The following SLC9C1 variants were observed in gnomAD, a reference collection of about 807,000 sequenced individuals.
SLC9C1 encodes the protein sodium/hydrogen exchanger 10.
A neutral mutation model predicts 140.9 loss-of-function variants in SLC9C1; 97 were observed. That is an observed-to-expected ratio of 0.69 (90% CI 0.58 to 0.82). The LOEUF (loss-of-function observed/expected upper bound fraction) is 0.82, where lower values mean the gene tolerates loss of function less well. Among genes scored for constraint, SLC9C1 ranks in the 40% least tolerant of loss-of-function variants. SLC9C1 has a pLI of 0.00. For missense variants in SLC9C1, 1,340 were observed against 1,389.3 expected (o/e 0.96, Z 0.56); for synonymous variants, 440 against 442.6 (o/e 0.99, Z 0.07).
intron 6 of SLC9C1, among the ~76,000 whole-genome samples, chr3:112,273,564 G>C (rs962780611): frequency 2.0e-5 from 3 of 152,118 alleles, no homozygotes; most frequent in Non-Finnish European, 4.4e-5. Flanking sequence ...TTTGAGGGAG[G>C]GGTGAGGGGG....
intron 15 of SLC9C1, among the ~76,000 whole-genome samples, chr3:112,213,676 A>G (rs1407075407): frequency 6.6e-6 from 1 of 152,234 alleles, no homozygotes; most frequent in Non-Finnish European, 1.5e-5. Flanking sequence ...ATATATATGC[A>G]CCCAATACAG....
intron 20 of SLC9C1, among the ~76,000 whole-genome samples, chr3:112,187,366 C>G (rs1364555851): frequency 1.3e-5 from 2 of 152,110 alleles, no homozygotes; most frequent in African/African-American, 2.4e-5. Context: ...GGAGATACTG[C>G]TTTTCACAGG....
intron 10 of SLC9C1, among the ~76,000 whole-genome samples, chr3:112,259,187 A>T (rs2079698053): frequency 6.6e-6 from 1 of 152,160 alleles, no homozygotes; most frequent in Admixed American, 6.6e-5. Flanking sequence ...TAGTAAACTA[A>T]CGCAGGAACA....
chr3:112,272,787 A>G (rs543047049), intron 6 of SLC9C1, among the ~76,000 whole-genome samples: 20 of 152,172 alleles, frequency 1.3e-4, no homozygotes, highest in Admixed American at 2.6e-4. Context: ...GGCAAGCTCT[A>G]TGGAGGCAAG....
Position 112,168,997 on chromosome 3 carries a change from G to T in SLC9C1, c.3117C>A (p.Thr1039=), listed in dbSNP as rs1285460934. Residue 1039 remains threonine (T), a synonymous_variant, in exon 25 of 29, where the codon ACC becomes ACA. Coordinates refer to ENST00000305815, the MANE Select transcript of SLC9C1 (RefSeq NM_183061.3). The part of the protein sequence containing the change: ...NIYVVDIPMS[T]KTDIYDENLI... ...GATTTTCATCATAAATATCAGTTTT[G>T]GTACTCATTGGTATATCTACTACAT... The T allele has an allele frequency of 6.2e-7, 1 of 1,610,726 alleles. No individual in the cohort carries two copies. Among genetic ancestry groups the T allele is most frequent in the South Asian group, 1.1e-5 (1 of 90,222 alleles).
intron 13 of SLC9C1, among the ~76,000 whole-genome samples, chr3:112,230,355 C>T (rs1235479228): frequency 1.3e-5 from 2 of 152,088 alleles, no homozygotes; most frequent in Admixed American, 6.6e-5. Context: ...CTTGGAGCAT[C>T]AGATTTAGGA....
At chr3:112,264,154 C>A in intron 9 of SLC9C1, 46 bp downstream of exon 9, 1 of 858,072 alleles carries the variant, frequency 1.2e-6, no homozygotes, top group South Asian at 4.5e-5. Flanking sequence ...GACCTTCAAA[C>A]TTACTCAATT....
intron 12 of SLC9C1, among the ~76,000 whole-genome samples, chr3:112,235,787 G>A (rs376898753): frequency 2.0e-5 from 3 of 152,256 alleles, no homozygotes; most frequent in Non-Finnish European, 2.9e-5. Flanking sequence ...ATTTGTGTAT[G>A]TTGAACCAGA....
chr3:112,160,992 G>T (rs570266469), intron 26 of SLC9C1, among the ~76,000 whole-genome samples: 1 of 152,134 alleles, frequency 6.6e-6, no homozygotes, highest in East Asian at 1.9e-4. Flanking sequence ...TCTCATTGTG[G>T]TTTTGATTTG....
At chr3:112,209,371 T>A (rs2078140767) in intron 15 of SLC9C1, among the ~76,000 whole-genome samples, 2 of 152,216 alleles carry the variant, frequency 1.3e-5, no homozygotes, top group African/African-American at 4.8e-5. Flanking sequence ...TCCAGTCTGC[T>A]TTTCTTGATC....
intron 26 of SLC9C1, among the ~76,000 whole-genome samples, chr3:112,163,835 T>A (rs1290709816): frequency 1.3e-5 from 2 of 152,102 alleles, no homozygotes; most frequent in Non-Finnish European, 2.9e-5. Flanking sequence ...CTTGTTGACT[T>A]TCTGTCTCGT....
In SLC9C1 at chr3:112,169,192, C is replaced by G; in HGVS notation, c.3051+5G>C. On this transcript the variant is annotated splice_donor_5th_base_variant and intron_variant, in intron 24 of 28. Transcript: ENST00000305815. ...GAAAGACAAGTTTATACAAGCACTT[C>G]CTACCTCATAAGATAAGTGTTCTCT... The G allele has an allele frequency of 6.2e-7, 1 of 1,610,598 alleles. No individual in the cohort carries two copies. The highest frequency in any genetic ancestry group is 1.1e-5 in the South Asian group (1 of 90,312).
intron 8 of SLC9C1, 112 bp downstream of exon 8, chr3:112,266,126 T>A: frequency 1.2e-6 from 1 of 813,876 alleles, no homozygotes. Flanking sequence ...AGTTGGGTAG[T>A]TTTCAAGTCT....
At chr3:112,240,095 T>C in intron 11 of SLC9C1, 89 bp from the exon 12 acceptor site, 1 of 1,199,448 alleles carries the variant, frequency 8.3e-7, no homozygotes, top group Non-Finnish European at 1.2e-6. Flanking sequence ...TAACTTATTG[T>C]CACTAATCTT....
chr3:112,150,793 CATAT>C (rs1234813804), intron 28 of SLC9C1, among the ~76,000 whole-genome samples: 39 of 56,868 alleles, frequency 6.9e-4, no homozygotes, highest in Middle Eastern at 0.018. Context: ...AATACATATA[CATAT>C]ATATATATAT....
intron 26 of SLC9C1, among the ~76,000 whole-genome samples, chr3:112,155,836 C>T (rs894967104): frequency 6.6e-6 from 1 of 151,914 alleles, no homozygotes; most frequent in Non-Finnish European, 1.5e-5. Flanking sequence ...AGCAGAGAAT[C>T]AAGGTATTTT....
chr3:112,175,394 G>A (rs569943525), intron 23 of SLC9C1, among the ~76,000 whole-genome samples: 6 of 152,214 alleles, frequency 3.9e-5, no homozygotes, highest in South Asian at 4.2e-4. Flanking sequence ...TGGAGAACCC[G>A]GTCAGGAGGT....
intron 26 of SLC9C1, among the ~76,000 whole-genome samples, chr3:112,161,927 G>A (rs2075311855): frequency 6.6e-6 from 1 of 151,456 alleles, no homozygotes; most frequent in Non-Finnish European, 1.5e-5. Flanking sequence ...CCATTTGTTT[G>A]TATCCTCTTT....
At chr3:112,234,887 G>C (rs2078941826) in intron 12 of SLC9C1, among the ~76,000 whole-genome samples, 1 of 152,076 alleles carries the variant, frequency 6.6e-6, no homozygotes, top group Non-Finnish European at 1.5e-5. Context: ...TAGCCTTGTA[G>C]TATAGGTTGA....
Sources: allele counts gnomAD v4.1 joint callset (sites outside exome capture counted in the v4.1 genomes callset), GRCh38; gene constraint gnomAD v4.1.1; transcripts MANE v1.5; gene names NCBI Gene and HGNC (gene_info 2026-07-23, HGNC 2026-07-21).